Variants in TMC1 observed in about 807,000 individuals in gnomAD.
TMC1 encodes transmembrane channel like 1.
Under a neutral mutation model 105.8 loss-of-function variants are expected in TMC1, and 84 were observed. The observed-to-expected ratio is 0.79, with a 90% CI of 0.67 to 0.95. The LOEUF is 0.95. Ranked by LOEUF, TMC1 falls within the 40% of genes least tolerant of loss-of-function variation. TMC1 has a pLI of 0.00. For synonymous variants in TMC1, 315 were observed against 311.5 expected (o/e 1.01, Z -0.12); for missense variants, 817 against 914.1 (o/e 0.89, Z 1.37).
chr9:72,535,068 T>G (rs1823556873), intron 1 of TMC1, among the ~76,000 whole-genome samples: 1 of 150,960 alleles, frequency 6.6e-6, no homozygotes, highest in Admixed American at 6.6e-5. Flanking sequence ...AAAAAAAAGC[T>G]AGTTGGGTGT....
chr9:72,786,365 T>C (rs1165773511), intron 13 of TMC1, among the ~76,000 whole-genome samples: 1 of 151,822 alleles, frequency 6.6e-6, no homozygotes, highest in Non-Finnish European at 1.5e-5. Flanking sequence ...AATGGCGTGA[T>C]CCCGGGAGGC....
intron 18 of TMC1, among the ~76,000 whole-genome samples, chr9:72,813,141 G>C (rs1828730851): frequency 6.6e-6 from 1 of 152,090 alleles, no homozygotes; most frequent in African/African-American, 2.4e-5. Context: ...CAAAGTTCAA[G>C]AGAATCTGTT....
intron 4 of TMC1, among the ~76,000 whole-genome samples, chr9:72,639,541 C>T (rs1825589760): frequency 6.6e-6 from 1 of 152,092 alleles, no homozygotes; most frequent in Non-Finnish European, 1.5e-5. Flanking sequence ...ATTTTCTGTG[C>T]AGAAGTTGTA....
chr9:72,813,802 A>G (rs1828740648), intron 18 of TMC1, among the ~76,000 whole-genome samples: 1 of 152,210 alleles, frequency 6.6e-6, no homozygotes, highest in Non-Finnish European at 1.5e-5. Flanking sequence ...TGCCCAGCTT[A>G]CCTAGCTAAG....
At chr9:72,581,416 G>A (rs568022714) in intron 2 of TMC1, among the ~76,000 whole-genome samples, 168 of 152,210 alleles carry the variant, frequency 1.1e-3, no homozygotes, top group African/African-American at 3.8e-3. Flanking sequence ...GTTGCTCATG[G>A]ATTATATCCT....
intron 13 of TMC1, among the ~76,000 whole-genome samples, chr9:72,785,658 C>A (rs1259094747): frequency 6.6e-6 from 1 of 152,140 alleles, no homozygotes; most frequent in Non-Finnish European, 1.5e-5. Context: ...CATGGGTATA[C>A]TATTGTATCC....
intron 15 of TMC1, 133 bp from the exon 16 acceptor site, chr9:72,791,753 G>A (rs547143889): frequency 2.0e-4 from 154 of 769,538 alleles, no homozygotes; most frequent in African/African-American, 1.9e-3. Flanking sequence ...AATTCTAAAC[G>A]TGCATAAAAT....
At chr9:72,529,582 ATTAG>A (rs1465047135) in intron 1 of TMC1, among the ~76,000 whole-genome samples, 2 of 152,036 alleles carry the variant, frequency 1.3e-5, no homozygotes, top group African/African-American at 4.8e-5. Context: ...TGGATACTGT[ATTAG>A]TTAAGACAAA....
chr9:72,628,951 A>T lies in TMC1; in HGVS notation c.-53+888A>T, dbSNP rs993784783. Reference sequence around the variant, plus strand: ...GATGATGCAAAGAAAAATATATAAGAATCAGTTTTTTTTAAATGTGTTAAT... The same window carrying T: ...GATGATGCAAAGAAAAATATATAAGTATCAGTTTTTTTTAAATGTGTTAAT... On this transcript the variant is annotated intron_variant, in intron 4 of 23. Transcript: ENST00000297784. Among the ~76,000 whole-genome samples the T allele has an allele frequency of 3.9e-5, 6 of 152,216 alleles. No individual in the cohort carries two copies. In the East Asian group the frequency reaches 7.7e-4, roughly 20 times the overall value.
At chr9:72,814,558 T>C (rs1828752385) in intron 18 of TMC1, among the ~76,000 whole-genome samples, 2 of 152,196 alleles carry the variant, frequency 1.3e-5, no homozygotes, top group Non-Finnish European at 2.9e-5. Flanking sequence ...GTCATCTTTG[T>C]TCTGTTTAAT....
chr9:72,612,758 T>C (rs1478218084), intron 2 of TMC1, among the ~76,000 whole-genome samples: 1 of 152,174 alleles, frequency 6.6e-6, no homozygotes, highest in Non-Finnish European at 1.5e-5. Context: ...ATAATTTAGC[T>C]CCCTAAGGGA....
intron 5 of TMC1, among the ~76,000 whole-genome samples, chr9:72,661,679 T>G (rs576810153): frequency 6.6e-6 from 1 of 152,354 alleles, no homozygotes; most frequent in East Asian, 1.9e-4. Context: ...ACTGACCACT[T>G]TTTTCTAGAC....
intron 5 of TMC1, among the ~76,000 whole-genome samples, chr9:72,662,578 G>A (rs145570073): frequency 9.9e-5 from 15 of 152,090 alleles, no homozygotes; most frequent in East Asian, 1.9e-4. Context: ...AAGTTTTTGC[G>A]TGTATCAGAT....
chr9:72,772,786 T>A (rs1232763099), intron 13 of TMC1, among the ~76,000 whole-genome samples: 1 of 152,182 alleles, frequency 6.6e-6, no homozygotes, highest in Non-Finnish European at 1.5e-5. Context: ...AGACCAATGC[T>A]TGCATGCCTA....
intron 1 of TMC1, among the ~76,000 whole-genome samples, chr9:72,566,690 A>G (rs1172312596): frequency 6.6e-6 from 1 of 152,138 alleles, no homozygotes; most frequent in Non-Finnish European, 1.5e-5. Context: ...TCCGATAAAA[A>G]AGCACATTTA....
chr9:72,778,318 G>A (rs150246710), intron 13 of TMC1, among the ~76,000 whole-genome samples: 1,709 of 152,254 alleles, frequency 0.011, 19 homozygotes, highest in Non-Finnish European at 0.018. Flanking sequence ...AGTGGATGGA[G>A]GAAGGATGTA....
chr9:72,620,329 C>T (rs1212535344), intron 3 of TMC1, among the ~76,000 whole-genome samples: 1 of 152,038 alleles, frequency 6.6e-6, no homozygotes, highest in Non-Finnish European at 1.5e-5. Flanking sequence ...GAAGCCTTGA[C>T]TTCTTGGGCT....
chr9:72,589,875 C>CT (rs768441683), intron 2 of TMC1, among the ~76,000 whole-genome samples: 5 of 152,190 alleles, frequency 3.3e-5, no homozygotes, highest in Non-Finnish European at 5.9e-5. Flanking sequence ...GGCATTACAA[C>CT]TTACTATTAC....
At chr9:72,807,350 G>T (rs969422844) in intron 18 of TMC1, among the ~76,000 whole-genome samples, 1 of 152,192 alleles carries the variant, frequency 6.6e-6, no homozygotes, top group Non-Finnish European at 1.5e-5. Context: ...TAAGAGAAAG[G>T]CATCATAGAG....
Sources: allele counts gnomAD v4.1 joint callset (sites outside exome capture counted in the v4.1 genomes callset), GRCh38; gene constraint gnomAD v4.1.1; transcripts MANE v1.5; gene names NCBI Gene and HGNC (gene_info 2026-07-23, HGNC 2026-07-21).